The following CSMD2 variants were observed in gnomAD, a reference collection of about 807,000 sequenced individuals.
The protein encoded by CSMD2 is CUB and sushi domain-containing protein 2.
Under a neutral mutation model 398.5 loss-of-function variants are expected in CSMD2, and 130 were observed. The ratio of observed to expected loss-of-function variants is 0.33; its 90% CI spans 0.28 to 0.38. CSMD2 has a LOEUF of 0.38. Ranked by LOEUF, CSMD2 falls within the 10% of genes least tolerant of loss-of-function variation. The pLI, the probability that CSMD2 is intolerant of heterozygous loss-of-function variation, is 1.00. For missense variants in CSMD2, 3,829 were observed against 4,764.9 expected (o/e 0.80, Z 5.78); for synonymous variants, 1,828 against 1,908.5 (o/e 0.96, Z 1.10).
At chr1:34,104,652 TG>T (rs1420405722) in intron 1 of CSMD2, among the ~76,000 whole-genome samples, 2 of 152,112 alleles carry the variant, frequency 1.3e-5, no homozygotes, top group Non-Finnish European at 1.5e-5. Context: ...CCGCTGAAGG[TG>T]TCTCACCTGC....
intron 2 of CSMD2, among the ~76,000 whole-genome samples, chr1:34,058,025 G>C (rs1477103401): frequency 6.6e-6 from 1 of 152,168 alleles, no homozygotes; most frequent in Non-Finnish European, 1.5e-5. Flanking sequence ...TAGCCTGGGA[G>C]TAGGGGCGTG....
rs529014847 is a variant in CSMD2, at chr1:34,023,901, C to T, written c.517+8693G>A. ...CCGGGCATGAGAGCAATTTTCTCCA[C>T]GTGGTAGACGAATTGGTTGTTTTTG... On this transcript the variant is annotated intron_variant, in intron 3 of 70. Coordinates refer to ENST00000373381, the MANE Select transcript of CSMD2 (RefSeq NM_001281956.2). Among the ~76,000 whole-genome samples the T allele has an allele frequency of 9.2e-5, 14 of 152,328 alleles. No individual in the cohort carries two copies. In the East Asian group the frequency reaches 1.7e-3, roughly 19 times the overall value.
intron 2 of CSMD2, among the ~76,000 whole-genome samples, chr1:34,051,872 G>T (rs1653209532): frequency 6.6e-6 from 1 of 152,164 alleles, no homozygotes; most frequent in Admixed American, 6.5e-5. Context: ...ATTATTCTGG[G>T]TGTGTCTGTG....
At chr1:33,627,894 C>G (rs1228717424) in intron 32 of CSMD2, among the ~76,000 whole-genome samples, 2 of 152,202 alleles carry the variant, frequency 1.3e-5, no homozygotes, top group Admixed American at 1.3e-4. Context: ...TCTCACAGAA[C>G]CCATGTCAAC....
intron 1 of CSMD2, among the ~76,000 whole-genome samples, chr1:34,147,818 T>C (rs186186480): frequency 1.3e-5 from 2 of 152,126 alleles, no homozygotes; most frequent in African/African-American, 4.8e-5. Context: ...CCTCAGCGCT[T>C]CCCTGCACAA....
rs543541109 is a variant in CSMD2 at position 33,986,782 on chromosome 1, G to C, written c.517+45812C>G. Among the ~76,000 whole-genome samples, 15 of 152,302 alleles carry C rather than the reference G, an allele frequency of 9.8e-5. No homozygotes were observed. The East Asian group carries it at 2.7e-3, about 27-fold the overall frequency. On this transcript the variant is annotated intron_variant, in intron 3 of 70. Transcript: ENST00000373381. ...CCTGGAGCGTAACTCAGGGCACTGG[G>C]CATGAAGGTAAACAGACCTCTGTCA...
chr1:33,923,706 T>G (rs1644027610), intron 4 of CSMD2, among the ~76,000 whole-genome samples: 1 of 152,202 alleles, frequency 6.6e-6, no homozygotes, highest in South Asian at 2.1e-4. Context: ...GTCACCATAG[T>G]CTGCTATTGA....
At chr1:33,579,536 C>T (rs981262027) in intron 48 of CSMD2, among the ~76,000 whole-genome samples, 1 of 152,086 alleles carries the variant, frequency 6.6e-6, no homozygotes, top group African/African-American at 2.4e-5. Context: ...CTGAAAGCTA[C>T]ACCCAGGGAT....
chr1:33,862,015 C>T (rs1205529936), intron 5 of CSMD2, among the ~76,000 whole-genome samples: 1 of 152,112 alleles, frequency 6.6e-6, no homozygotes, highest in African/African-American at 2.4e-5. Flanking sequence ...GTGGCTCATA[C>T]AGACCAGCTT....
rs973462226 is a variant in CSMD2, at chr1:33,514,292, C to CT, written c.*2331dup. 1.9e-4 allele frequency: 24 copies of CT among 128,314 alleles called. No homozygotes were observed. Among genetic ancestry groups the CT allele is most frequent in the African/African-American group, 6.7e-4 (23 of 34,418 alleles). The allele number at this position is 128,314 out of a possible 1,614,324, so 7.9% of individuals were successfully genotyped here. A position where few individuals can be genotyped will look rare whatever the true frequency, so the allele number is the denominator to read the frequency against. ...AAAAAATTTACACCTTTTTTTTTTT[C>CT]TTTTTTGGTACTGTACAAACTTTGT... On this transcript the variant is annotated 3_prime_UTR_variant, in exon 71 of 71. Coordinates refer to ENST00000373381, the MANE Select transcript of CSMD2 (RefSeq NM_001281956.2).
chr1:34,142,407 G>A (rs900052229), intron 1 of CSMD2, among the ~76,000 whole-genome samples: 39 of 152,246 alleles, frequency 2.6e-4, no homozygotes, highest in African/African-American at 8.4e-4. Flanking sequence ...CCCAGGAGAC[G>A]CAAGTCCTGA....
At chr1:34,019,678 T>C (rs1648612097) in intron 3 of CSMD2, among the ~76,000 whole-genome samples, 1 of 152,160 alleles carries the variant, frequency 6.6e-6, no homozygotes, top group Admixed American at 6.5e-5. Context: ...CCAATGTCTC[T>C]AAAGCATAAA....
intron 2 of CSMD2, among the ~76,000 whole-genome samples, chr1:34,043,212 G>T (rs1480676836): frequency 1.3e-5 from 2 of 152,086 alleles, no homozygotes; most frequent in African/African-American, 4.8e-5. Flanking sequence ...GCATAAGCTG[G>T]CTTCTTATAC....
chr1:34,026,184 A>G (rs1192475047), intron 3 of CSMD2, among the ~76,000 whole-genome samples: 1 of 152,222 alleles, frequency 6.6e-6, no homozygotes, highest in East Asian at 1.9e-4. Context: ...CTGGAGCTCA[A>G]TGAAATGACA....
chr1:33,758,454 T>A (rs151072827), intron 13 of CSMD2, among the ~76,000 whole-genome samples: 1 of 152,344 alleles, frequency 6.6e-6, no homozygotes, highest in Non-Finnish European at 1.5e-5. Flanking sequence ...GCTTTGTTTA[T>A]ATAATAGCAG....
intron 1 of CSMD2, among the ~76,000 whole-genome samples, chr1:34,149,882 G>C (rs1640128404): frequency 6.6e-6 from 1 of 152,150 alleles, no homozygotes; most frequent in African/African-American, 2.4e-5. Context: ...GGGCTGACTT[G>C]TGGAGGCAGA....
chr1:33,668,184 C>A (rs1644376438), intron 25 of CSMD2, among the ~76,000 whole-genome samples: 1 of 152,134 alleles, frequency 6.6e-6, no homozygotes, highest in Non-Finnish European at 1.5e-5. Context: ...ATGGAGGCGA[C>A]ACTGGGCCAG....
chr1:33,751,724 C>T (rs1381251787), intron 13 of CSMD2, among the ~76,000 whole-genome samples: 1 of 152,122 alleles, frequency 6.6e-6, no homozygotes, highest in East Asian at 1.9e-4. Context: ...TGGGTTCATG[C>T]ACTCCTGTGT....
intron 12 of CSMD2, among the ~76,000 whole-genome samples, chr1:33,778,139 C>T (rs992179078): frequency 2.0e-5 from 3 of 152,204 alleles, no homozygotes; most frequent in Non-Finnish European, 4.4e-5. Context: ...TTTTCCTTGA[C>T]CACACACCTT....
Sources: allele counts gnomAD v4.1 joint callset (sites outside exome capture counted in the v4.1 genomes callset), GRCh38; gene constraint gnomAD v4.1.1; transcripts MANE v1.5; gene names NCBI Gene and HGNC (gene_info 2026-07-23, HGNC 2026-07-21).